The following AUTS2 variants were observed in gnomAD, a reference collection of about 807,000 sequenced individuals.
AUTS2 encodes the protein activator of transcription and developmental regulator AUTS2.
Under a neutral mutation model 112.4 loss-of-function variants are expected in AUTS2, and 17 were observed. The observed-to-expected ratio is 0.15, with a 90% CI of 0.10 to 0.23. AUTS2 has a LOEUF of 0.23. Ranked by LOEUF, AUTS2 falls within the 10% of genes least tolerant of loss-of-function variation. AUTS2 has a pLI of 1.00. For missense variants in AUTS2, 1,510 were observed against 1,701.6 expected (o/e 0.89, Z 1.98); for synonymous variants, 751 against 702.7 (o/e 1.07, Z -1.09).
intron 2 of AUTS2, among the ~76,000 whole-genome samples, chr7:70,058,279 G>A (rs1407660424): frequency 6.6e-6 from 1 of 152,122 alleles, no homozygotes; most frequent in Admixed American, 6.5e-5. Flanking sequence ...GGACTTATTG[G>A]CTTTGTCCTA....
At chr7:70,226,360 ATT>A (rs34184657) in intron 4 of AUTS2, among the ~76,000 whole-genome samples, 28,378 of 136,304 alleles carry the variant, frequency 0.21, 2,711 homozygotes, top group Middle Eastern at 0.3. Flanking sequence ...TGCCCGGCTA[ATT>A]TTTTTTTTTT....
chr7:70,658,922 T>C (rs1386137652), intron 5 of AUTS2, among the ~76,000 whole-genome samples: 2 of 152,220 alleles, frequency 1.3e-5, no homozygotes, highest in African/African-American at 4.8e-5. Context: ...GAAATTTCAT[T>C]TTTTAGTAGA....
intron 1 of AUTS2, among the ~76,000 whole-genome samples, chr7:69,668,781 C>T (rs1256933892): frequency 6.6e-6 from 1 of 152,182 alleles, no homozygotes; most frequent in Admixed American, 6.5e-5. Flanking sequence ...GATACAAGTA[C>T]ATTCCTGGAA....
chr7:70,141,751 T>A (rs1806875282), intron 4 of AUTS2, among the ~76,000 whole-genome samples: 1 of 152,150 alleles, frequency 6.6e-6, no homozygotes, highest in Non-Finnish European at 1.5e-5. Flanking sequence ...CCTTTTTTGG[T>A]CATGTTTTTG....
intron 5 of AUTS2, among the ~76,000 whole-genome samples, chr7:70,674,956 G>A (rs959516093): frequency 6.6e-6 from 1 of 152,164 alleles, no homozygotes; most frequent in Non-Finnish European, 1.5e-5. Flanking sequence ...TCTCTTACAA[G>A]TGACATAGTA....
At chr7:70,335,027 C>A (rs2129619865) in intron 4 of AUTS2, among the ~76,000 whole-genome samples, 1 of 152,238 alleles carries the variant, frequency 6.6e-6, no homozygotes, top group South Asian at 2.1e-4. Flanking sequence ...AGCTGTCCTT[C>A]TCATCAGGGA....
At chr7:70,223,156 T>C (rs1245894337) in intron 4 of AUTS2, among the ~76,000 whole-genome samples, 1 of 152,006 alleles carries the variant, frequency 6.6e-6, no homozygotes, top group African/African-American at 2.4e-5. Context: ...CAAAGTGCTG[T>C]GATTACAGGT....
At chr7:70,356,237 C>T (rs752237458) in intron 4 of AUTS2, among the ~76,000 whole-genome samples, 24 of 152,080 alleles carry the variant, frequency 1.6e-4, no homozygotes, top group Non-Finnish European at 2.9e-4. Flanking sequence ...TCATTAGCCT[C>T]ATAATTGTCT....
chr7:69,787,010 A>T (rs779154816), intron 1 of AUTS2, among the ~76,000 whole-genome samples: 11 of 152,218 alleles, frequency 7.2e-5, no homozygotes, highest in Non-Finnish European at 1.6e-4. Flanking sequence ...ATAGGCAAGT[A>T]AACTGAAACT....
In AUTS2 at chr7:70,204,705, G is replaced by A. The variant is rs1305026600; in HGVS notation, c.660+70134G>A. Among the ~76,000 whole-genome samples, 3 of 151,934 alleles carry A rather than the reference G, an allele frequency of 2.0e-5. No homozygotes were observed. In the East Asian group the frequency reaches 5.8e-4, roughly 29 times the overall value. On this transcript the variant is annotated intron_variant, in intron 4 of 18. Transcript: ENST00000342771. ...AGGCAGGAACCTTCTGTTTATCATT[G>A]TATCCCAAGGGCCTATCATAAGCAC...
At chr7:70,283,281 T>A (rs1010790996) in intron 4 of AUTS2, among the ~76,000 whole-genome samples, 1 of 152,220 alleles carries the variant, frequency 6.6e-6, no homozygotes, top group African/African-American at 2.4e-5. Context: ...TAATAGCATT[T>A]AATACCTGAT....
intron 5 of AUTS2, among the ~76,000 whole-genome samples, chr7:70,454,586 G>A (rs1336574491): frequency 1.3e-5 from 2 of 152,064 alleles, no homozygotes; most frequent in Non-Finnish European, 2.9e-5. Context: ...TACCTAGAAT[G>A]ATGTGGCCCG....
intron 2 of AUTS2, among the ~76,000 whole-genome samples, chr7:69,935,540 CATTAG>C (rs1366008071): frequency 1.3e-5 from 2 of 151,952 alleles, no homozygotes; most frequent in Non-Finnish European, 2.9e-5. Context: ...TAGATGTGAC[CATTAG>C]TTCAGATAGA....
chr7:70,135,217 C>G (rs561831446), intron 4 of AUTS2, among the ~76,000 whole-genome samples: 18 of 152,258 alleles, frequency 1.2e-4, no homozygotes, highest in Admixed American at 7.9e-4. Context: ...AATTCATTCT[C>G]AAACAGCAGT....
intron 1 of AUTS2, among the ~76,000 whole-genome samples, chr7:69,732,780 A>G (rs781324137): frequency 2.6e-5 from 4 of 152,224 alleles, no homozygotes; most frequent in Non-Finnish European, 4.4e-5. Flanking sequence ...GAGACAATTT[A>G]TTATATTCTG....
chr7:69,851,534 G>A (rs886278618), intron 1 of AUTS2, among the ~76,000 whole-genome samples: 3 of 152,224 alleles, frequency 2.0e-5, no homozygotes, highest in Non-Finnish European at 4.4e-5. Context: ...ACAGGCGTAA[G>A]CCACTGCGCC....
At chr7:70,436,275 A>G (rs1003915010) in intron 5 of AUTS2, 1 of 153,524 alleles carries the variant, frequency 6.5e-6, no homozygotes, top group Non-Finnish European at 1.5e-5. Context: ...GGGAGGTCAG[A>G]TGGGAACTGC....
At chr7:70,422,142 A>T (rs574854654) in intron 4 of AUTS2, among the ~76,000 whole-genome samples, 2 of 152,206 alleles carry the variant, frequency 1.3e-5, no homozygotes, top group Non-Finnish European at 2.9e-5. Flanking sequence ...GTAGCCTAAG[A>T]TGTCTTTGGA....
chr7:70,217,700 G>A (rs1811244146), intron 4 of AUTS2, among the ~76,000 whole-genome samples: 1 of 152,114 alleles, frequency 6.6e-6, no homozygotes. Context: ...TTTCTGTGGT[G>A]ATGTTTCAGT....
Sources: gnomAD v4.1 joint callset for allele counts (sites outside exome capture counted in the v4.1 genomes callset) on GRCh38, gnomAD v4.1.1 for gene constraint, MANE v1.5 for transcripts, NCBI Gene and HGNC (gene_info 2026-07-23, HGNC 2026-07-21) for gene names.